Variants in DEUP1 observed in about 807,000 individuals in gnomAD.
DEUP1 encodes deuterosome assembly protein 1.
In DEUP1, 82 loss-of-function variants were observed where a neutral mutation model predicts 87.4. The ratio of observed to expected loss-of-function variants is 0.94; its 90% CI spans 0.78 to 1.13. The LOEUF (loss-of-function observed/expected upper bound fraction) is 1.13. DEUP1 is among the 50% of genes most tolerant of loss of function. The probability of loss-of-function intolerance (pLI) is 0.00; values close to 1 mark genes in which losing one functional copy is unlikely to be tolerated. For synonymous variants in DEUP1, 214 were observed against 222.7 expected (o/e 0.96, Z 0.35); for missense variants, 663 against 681.5 (o/e 0.97, Z 0.30).
chr11:93,406,784 C>G (rs913841252), intron 11 of DEUP1, among the ~76,000 whole-genome samples: 1 of 151,836 alleles, frequency 6.6e-6, no homozygotes, highest in African/African-American at 2.4e-5. Context: ...AACACAGACA[C>G]CCTAATGAGA....
intron 13 of DEUP1, among the ~76,000 whole-genome samples, chr11:93,420,011 C>G (rs1005628201): frequency 1.3e-5 from 2 of 152,148 alleles, no homozygotes; most frequent in Non-Finnish European, 2.9e-5. Flanking sequence ...ACCCTTCCTT[C>G]TGAAACCATT....
At chr11:93,408,126 G>T (rs1004180478) in intron 11 of DEUP1, 105 bp from the exon 12 acceptor site, 343 of 768,860 alleles carry the variant, frequency 4.5e-4, no homozygotes, top group Non-Finnish European at 7.6e-5. Context: ...CACATCACTT[G>T]GCTCAAATGA....
chr11:93,358,455 C>T (rs1257489503), intron 4 of DEUP1, among the ~76,000 whole-genome samples: 1 of 152,152 alleles, frequency 6.6e-6, no homozygotes, highest in Non-Finnish European at 1.5e-5. Flanking sequence ...AGACTCCTCC[C>T]CTCCTGGAGA....
At chr11:93,407,309 A>G (rs976463188) in intron 11 of DEUP1, among the ~76,000 whole-genome samples, 5 of 152,256 alleles carry the variant, frequency 3.3e-5, no homozygotes, top group Middle Eastern at 3.4e-3. Context: ...AAATACTTAT[A>G]CAAGTTTGTA....
chr11:93,376,509 CTTCTT>C (rs1351047257), intron 7 of DEUP1, among the ~76,000 whole-genome samples: 7 of 152,226 alleles, frequency 4.6e-5, no homozygotes, highest in African/African-American at 1.4e-4. Context: ...GATCTTCTCT[CTTCTT>C]TTCTTGGTTA....
intron 5 of DEUP1, among the ~76,000 whole-genome samples, chr11:93,366,659 A>G (rs1019861640): frequency 3.9e-5 from 6 of 152,148 alleles, no homozygotes; most frequent in African/African-American, 7.2e-5. Context: ...TGTCATAAGC[A>G]CCTGCTGATA....
At position 93,408,240 on chromosome 11, in the gene DEUP1, T is replaced by G. The variant is rs1239530076; in HGVS notation, c.1336T>G (p.Phe446Val). 6.4e-7 allele frequency: 1 copy of G among 1,568,684 alleles called. No homozygotes were observed. Among genetic ancestry groups the G allele is most frequent in the South Asian group, 1.2e-5 (1 of 84,184 alleles). The change falls in exon 12 of 14, where the codon TTC becomes GTC. Residue 446 changes from phenylalanine (F) to valine (V), a missense_variant. By Grantham distance (50) the Phe-to-Val change is conservative. Coordinates refer to ENST00000298050, the MANE Select transcript of DEUP1 (RefSeq NM_181645.4). Reference protein sequence around the residue: ...LDPGEYMSMDFTNREQSRHTS... With the variant: ...LDPGEYMSMDVTNREQSRHTS... ...TTATTTTATTCTCTAGAGTATGGAC[T>G]TCACTAACAGGGAACAGTCAAGGCA...
chr11:93,419,841 A>G (rs1170833186), intron 13 of DEUP1, among the ~76,000 whole-genome samples: 2 of 150,652 alleles, frequency 1.3e-5, no homozygotes, highest in Non-Finnish European at 1.5e-5. Context: ...TAAACAAAAC[A>G]CCTTCAAAAA....
At chr11:93,355,031 A>C (rs1944828233) in intron 2 of DEUP1, among the ~76,000 whole-genome samples, 1 of 152,178 alleles carries the variant, frequency 6.6e-6, no homozygotes, top group African/African-American at 2.4e-5. Flanking sequence ...GCCTCTGTCA[A>C]ACCTTCTGAA....
chr11:93,394,663 A>C lies in DEUP1; in HGVS notation c.1239+7A>C, dbSNP rs1281381600. 6.3e-7 allele frequency: 1 copy of C among 1,599,914 alleles called. No individual in the cohort carries two copies. The highest frequency in any genetic ancestry group is 2.2e-5 in the East Asian group (1 of 44,774). ...AATGTTAGCAAAACAAAAGGTATGC[A>C]AGCAGGCAGAATAGCACTTGTCTAG... On this transcript the variant is annotated splice_region_variant and intron_variant, in intron 10 of 13. Coordinates refer to ENST00000298050, the MANE Select transcript of DEUP1 (RefSeq NM_181645.4).
At chr11:93,395,752 G>A (rs932988342) in intron 10 of DEUP1, among the ~76,000 whole-genome samples, 4 of 152,010 alleles carry the variant, frequency 2.6e-5, no homozygotes, top group Non-Finnish European at 5.9e-5. Flanking sequence ...ATAAATCAGG[G>A]AAAGATAAAA....
intron 9 of DEUP1, among the ~76,000 whole-genome samples, chr11:93,392,688 C>G (rs905943014): frequency 6.6e-6 from 1 of 150,780 alleles, no homozygotes; most frequent in South Asian, 2.1e-4. Context: ...AAGAGAGAGC[C>G]TTGTTCTTTT....
intron 9 of DEUP1, 60 bp downstream of exon 9, chr11:93,389,185 G>T: frequency 1.1e-6 from 1 of 941,594 alleles, no homozygotes; most frequent in East Asian, 2.8e-5. Context: ...CATACAAAGG[G>T]AGTTAAAAAA....
In DEUP1 at chr11:93,437,625, A is replaced by C. The variant is rs1363417489; in HGVS notation, c.1721A>C (p.Glu574Ala). The C allele has an allele frequency of 6.2e-7, 1 of 1,611,982 alleles. No individual in the cohort carries two copies. The highest frequency in any genetic ancestry group is 8.5e-7 in the Non-Finnish European group (1 of 1,178,208). The change falls in exon 14 of 14, where the codon GAA becomes GCA. Residue 574 changes from glutamate (E) to alanine (A), a missense_variant. Physicochemically the swap from Glu to Ala is moderately radical, Grantham distance 107. Transcript: ENST00000298050. ...LEEEKRAKEL[E>A]KLLNTHIDEL... is the part of the protein sequence containing the mutation. ...GAAGAGAAACGAGCAAAAGAACTTG[A>C]AAAACTTCTAAATACACATATTGAT...
intron 13 of DEUP1, among the ~76,000 whole-genome samples, chr11:93,416,913 G>A (rs1490427654): frequency 2.0e-5 from 3 of 151,984 alleles, no homozygotes; most frequent in South Asian, 2.1e-4. Context: ...ATACAAATGG[G>A]ACCAAAGACA....
chr11:93,398,068 T>C (rs190967289), intron 11 of DEUP1, among the ~76,000 whole-genome samples: 90 of 152,214 alleles, frequency 5.9e-4, no homozygotes, highest in Non-Finnish European at 1.1e-3. Flanking sequence ...TGTTAACTAC[T>C]TGGTATGTAT....
rs138417390 is a variant in DEUP1 at position 93,353,640 on chromosome 11, A to G, written c.30-1731A>G. 8.8e-3 allele frequency among the ~76,000 whole-genome samples: 1,336 copies of G among 152,360 alleles called. 16 individuals carry two copies. Among genetic ancestry groups the G allele is most frequent in the African/African-American group, 0.031 (1,287 of 41,582 alleles). ...TCCGTATATCTTCTGAAATCTAGGC[A>G]GAGGTTCCCAAACCCCAATTCTTGA... is the stretch of plus-strand genomic sequence containing the variant. On this transcript the variant is annotated intron_variant, in intron 2 of 13. Transcript: ENST00000298050.
At chr11:93,389,448 A>G (rs1946700903) in intron 9 of DEUP1, among the ~76,000 whole-genome samples, 1 of 152,222 alleles carries the variant, frequency 6.6e-6, no homozygotes, top group Admixed American at 6.5e-5. Context: ...AGCTTGGAGA[A>G]GTTTCCTGTG....
At chr11:93,429,479 A>G (rs1948037392) in intron 13 of DEUP1, among the ~76,000 whole-genome samples, 1 of 152,192 alleles carries the variant, frequency 6.6e-6, no homozygotes, top group African/African-American at 2.4e-5. Flanking sequence ...CTAGTGTCAG[A>G]TGATTTTAGG....
Sources: gnomAD v4.1 joint callset for allele counts (sites outside exome capture counted in the v4.1 genomes callset) on GRCh38, gnomAD v4.1.1 for gene constraint, MANE v1.5 for transcripts, NCBI Gene and HGNC (gene_info 2026-07-23, HGNC 2026-07-21) for gene names.